The following ELMO1 variants were observed in gnomAD, a reference collection of about 807,000 sequenced individuals.
The protein encoded by ELMO1 is engulfment and cell motility protein 1.
Under a neutral mutation model 98.9 loss-of-function variants are expected in ELMO1, and 26 were observed. The ratio of observed to expected loss-of-function variants is 0.26; its 90% CI spans 0.19 to 0.36. The LOEUF is 0.36. ELMO1 is among the 10% of genes least tolerant of loss of function. The pLI is 1.00. For missense variants in ELMO1, 627 were observed against 935.2 expected (o/e 0.67, Z 4.30); for synonymous variants, 346 against 346.0 (o/e 1.00, Z 0.00).
At chr7:37,136,419 A>G (rs188366396) in intron 13 of ELMO1, among the ~76,000 whole-genome samples, 2 of 152,346 alleles carry the variant, frequency 1.3e-5, no homozygotes, top group East Asian at 1.9e-4. Context: ...CTAGGCACAT[A>G]GTCAACAGGT....
rs1441196952 is a variant in ELMO1, at chr7:36,898,723, C to A, written c.1438-3706G>T. Among the ~76,000 whole-genome samples the A allele has an allele frequency of 4.6e-5, 7 of 152,206 alleles. No individual in the cohort carries two copies. The South Asian group carries it at 1.2e-3, about 27-fold the overall frequency. On this transcript the variant is annotated intron_variant, in intron 16 of 21. Coordinates refer to ENST00000310758, the MANE Select transcript of ELMO1 (RefSeq NM_014800.11). Reference sequence around the variant, plus strand: ...ATCACTTCTCCCATCCTGCCTTTAACCCACAACCTTCATCCAGCATCATTT... The same window carrying A: ...ATCACTTCTCCCATCCTGCCTTTAAACCACAACCTTCATCCAGCATCATTT...
At chr7:37,076,030 TACTACATCCCAGTAC>T (rs1797559625) in intron 15 of ELMO1, among the ~76,000 whole-genome samples, 2 of 152,228 alleles carry the variant, frequency 1.3e-5, no homozygotes, top group Non-Finnish European at 2.9e-5. Flanking sequence ...AACACATTTG[TACTACATCCCAGTAC>T]ACAGGCAGAT....
At chr7:37,326,372 C>A (rs1252103407) in intron 2 of ELMO1, among the ~76,000 whole-genome samples, 1 of 151,842 alleles carries the variant, frequency 6.6e-6, no homozygotes, top group Admixed American at 6.6e-5. Flanking sequence ...CTGGCCCACA[C>A]GGTGAAACTC....
intron 16 of ELMO1, among the ~76,000 whole-genome samples, chr7:36,895,694 A>T (rs1805940317): frequency 6.6e-6 from 1 of 152,250 alleles, no homozygotes; most frequent in African/African-American, 2.4e-5. Context: ...GCCCACAAGG[A>T]GGCAATTAAC....
intron 2 of ELMO1, among the ~76,000 whole-genome samples, chr7:37,334,463 C>A (rs976245251): frequency 2.0e-5 from 3 of 152,076 alleles, no homozygotes; most frequent in East Asian, 1.9e-4. Context: ...AAGAAAAAAA[C>A]CAAAAAACTG....
chr7:36,854,870 G>T lies in ELMO1; in HGVS notation c.*681C>A, dbSNP rs915446917. The T allele has an allele frequency of 6.5e-6, 1 of 153,776 alleles. No individual in the cohort carries two copies. Among genetic ancestry groups the T allele is most frequent in the African/African-American group, 2.4e-5 (1 of 41,474 alleles). 9.5% of individuals were successfully genotyped at this position (153,776 alleles called of 1,614,324 possible). A position where few individuals can be genotyped will look rare whatever the true frequency, so the allele number is the denominator to read the frequency against. ...CCCAGACTAGCTGGTGAGGAGGGAAGATTTGTCACGATCACAGTGCAGACG... is the reference window on the plus strand; with the variant it reads ...CCCAGACTAGCTGGTGAGGAGGGAATATTTGTCACGATCACAGTGCAGACG... On this transcript the variant is annotated 3_prime_UTR_variant, in exon 22 of 22. Coordinates refer to ENST00000310758, the MANE Select transcript of ELMO1 (RefSeq NM_014800.11).
In ELMO1 at chr7:37,320,061, C is replaced by A. The variant is rs978840299; in HGVS notation, c.79-4101G>T. Among the ~76,000 whole-genome samples the A allele has an allele frequency of 5.3e-5, 8 of 152,102 alleles. 1 individual carries two copies. Among genetic ancestry groups the A allele is most frequent in the African/African-American group, 1.9e-4 (8 of 41,402 alleles). On this transcript the variant is annotated intron_variant, in intron 2 of 21. Transcript: ENST00000310758. ...ATGAGGTCAGGAGATTGAGACCATT[C>A]TGGCCAGAAATGGTGAAACCCTGTC...
intron 15 of ELMO1, among the ~76,000 whole-genome samples, chr7:37,043,916 G>A (rs1299800467): frequency 2.0e-5 from 3 of 152,122 alleles, no homozygotes; most frequent in South Asian, 2.1e-4. Flanking sequence ...CATGAGCCAA[G>A]TTCCTCTGTC....
chr7:36,930,052 AC>A (rs1383536149), intron 16 of ELMO1, among the ~76,000 whole-genome samples: 13 of 152,340 alleles, frequency 8.5e-5, no homozygotes, highest in Non-Finnish European at 5.9e-5. Context: ...GCACTGGTCA[AC>A]GCAAATCAAA....
chr7:37,423,231 T>C (rs1221557159), intron 1 of ELMO1, among the ~76,000 whole-genome samples: 1 of 152,228 alleles, frequency 6.6e-6, no homozygotes, highest in Non-Finnish European at 1.5e-5. Flanking sequence ...ACTACAGACA[T>C]GATTAAGTCT....
intron 1 of ELMO1, among the ~76,000 whole-genome samples, chr7:37,442,249 C>T (rs915644756): frequency 2.0e-5 from 3 of 152,128 alleles, no homozygotes; most frequent in African/African-American, 7.2e-5. Flanking sequence ...AATAATGGGT[C>T]AGTAAAATGG....
intron 13 of ELMO1, among the ~76,000 whole-genome samples, chr7:37,139,867 G>A (rs76546137): frequency 6.6e-6 from 1 of 152,026 alleles, no homozygotes; most frequent in Admixed American, 6.6e-5. Context: ...TTAAAAATAG[G>A]CACATAGACC....
intron 16 of ELMO1, among the ~76,000 whole-genome samples, chr7:36,906,588 GC>G (rs1377844991): frequency 7.9e-5 from 12 of 152,304 alleles, no homozygotes; most frequent in African/African-American, 2.6e-4. Flanking sequence ...GGTGCTGGGA[GC>G]AGAGAGAATA....
In ELMO1 at chr7:37,382,946, A is replaced by G. The variant is rs180758278; in HGVS notation, c.-73-40183T>C. 8.1e-4 allele frequency among the ~76,000 whole-genome samples: 123 copies of G among 152,342 alleles called. 3 individuals are homozygous for G. The highest frequency in any genetic ancestry group is 8.0e-3 in the Admixed American group (122 of 15,300). ...GAACCTAGGAGGGTAGAGACAACAGAATAGTTCTCCTTCCCCTTCAACTGT... is the reference window on the plus strand; with the variant it reads ...GAACCTAGGAGGGTAGAGACAACAGGATAGTTCTCCTTCCCCTTCAACTGT... On this transcript the variant is annotated intron_variant, in intron 1 of 21. Coordinates refer to ENST00000310758, the MANE Select transcript of ELMO1 (RefSeq NM_014800.11).
At position 36,895,009 on chromosome 7, in the gene ELMO1, C is replaced by A. The variant is rs1202319055; in HGVS notation, c.1446G>T (p.Gln482His). Residue 482 changes from glutamine (Q) to histidine (H), a missense_variant, in exon 17 of 22, where the codon CAG (glutamine) becomes CAT (histidine). By Grantham distance (24) the Gln-to-His change is conservative. Transcript: ENST00000310758. ...CTCTCATAACCTGCTCCTTCACCACCTGCATTACCTGAAGATGAAAGGAAG... is the reference window on the plus strand; with the variant it reads ...CTCTCATAACCTGCTCCTTCACCACATGCATTACCTGAAGATGAAAGGAAG... ...ATSEDFNKVM[Q>H]VVKEQVMRAL... 6 of 1,613,228 alleles carry A rather than the reference C, an allele frequency of 3.7e-6. No individual in the cohort carries two copies. Among genetic ancestry groups the A allele is most frequent in the Non-Finnish European group, 5.1e-6 (6 of 1,179,806 alleles).
At chr7:37,392,145 T>C (rs984427602) in intron 1 of ELMO1, among the ~76,000 whole-genome samples, 1 of 152,008 alleles carries the variant, frequency 6.6e-6, no homozygotes, top group Non-Finnish European at 1.5e-5. Flanking sequence ...ATGGTAAACT[T>C]TTTTTTTTAA....
chr7:37,331,429 G>A (rs964578250), intron 2 of ELMO1, among the ~76,000 whole-genome samples: 31 of 143,932 alleles, frequency 2.2e-4, no homozygotes, highest in East Asian at 8.3e-4. Flanking sequence ...TGATCCGCCC[G>A]CCTCAGCCTC....
chr7:37,403,098 A>G, intron 1 of ELMO1, among the ~76,000 whole-genome samples: 1 of 152,246 alleles, frequency 6.6e-6, no homozygotes, highest in Non-Finnish European at 1.5e-5. Flanking sequence ...ACACAATAGA[A>G]TATTACTCAG....
intron 1 of ELMO1, among the ~76,000 whole-genome samples, chr7:37,382,402 G>A (rs1016707498): frequency 5.3e-5 from 8 of 152,114 alleles, no homozygotes; most frequent in South Asian, 2.1e-4. Context: ...ACTGTGAAGG[G>A]GTTCAGAGTA....
Sources: gnomAD v4.1 joint callset for allele counts (sites outside exome capture counted in the v4.1 genomes callset) on GRCh38, gnomAD v4.1.1 for gene constraint, MANE v1.5 for transcripts, NCBI Gene and HGNC (gene_info 2026-07-23, HGNC 2026-07-21) for gene names.